ZSWIM6: variants seen among roughly 807,000 people sequenced by gnomAD.
The protein encoded by ZSWIM6 is zinc finger SWIM domain-containing protein 6.
A neutral mutation model predicts 113.2 loss-of-function variants in ZSWIM6; 9 were observed. The observed-to-expected ratio is 0.08, with a 90% confidence interval of 0.05 to 0.14. The LOEUF (loss-of-function observed/expected upper bound fraction) is 0.14. ZSWIM6 is among the 10% of genes least tolerant of loss of function. ZSWIM6 has a pLI of 1.00. For synonymous variants in ZSWIM6, 611 were observed against 606.5 expected (o/e 1.01, Z -0.11); for missense variants, 1,162 against 1,552.2 (o/e 0.75, Z 4.22).
At chr5:61,427,062 C>A (rs1008152711) in intron 1 of ZSWIM6, among the ~76,000 whole-genome samples, 2 of 152,176 alleles carry the variant, frequency 1.3e-5, no homozygotes, top group East Asian at 3.9e-4. Flanking sequence ...CTATATCTTG[C>A]TCTTTATCAA....
At chr5:61,398,793 A>G (rs1190637191) in intron 1 of ZSWIM6, among the ~76,000 whole-genome samples, 1 of 152,168 alleles carries the variant, frequency 6.6e-6, no homozygotes, top group East Asian at 1.9e-4. Flanking sequence ...TTATGAAGCA[A>G]ACTGAATTTG....
intron 4 of ZSWIM6, among the ~76,000 whole-genome samples, chr5:61,496,885 T>A (rs894681243): frequency 6.6e-6 from 1 of 152,176 alleles, no homozygotes; most frequent in African/African-American, 2.4e-5. Flanking sequence ...TTTAAAGTTG[T>A]AATGCAAAAC....
intron 1 of ZSWIM6, among the ~76,000 whole-genome samples, chr5:61,451,970 C>T (rs1352052948): frequency 6.6e-6 from 1 of 151,968 alleles, no homozygotes; most frequent in Non-Finnish European, 1.5e-5. Context: ...AGTTATAAAA[C>T]AAAACAATAC....
At chr5:61,395,489 G>A (rs1489970181) in intron 1 of ZSWIM6, among the ~76,000 whole-genome samples, 1 of 152,116 alleles carries the variant, frequency 6.6e-6, no homozygotes, top group Non-Finnish European at 1.5e-5. Flanking sequence ...ACTGAGTTAA[G>A]CAATATCAGA....
chr5:61,541,923 C>T lies in ZSWIM6; in HGVS notation c.2743C>T (p.Arg915Trp). Residue 915 changes from arginine (R) to tryptophan (W), a missense_variant, in exon 13 of 14, where the codon CGG becomes TGG. This residue lies in a region of ZSWIM6 where 620 missense variants were observed against 804.6 expected (regional missense o/e 0.77). Transcript: ENST00000252744. ...ACTGTCAACCTTAAATTGGCGACGG[C>T]GGGAGATGGTGAGGTGGCTGGTAAC... ...MTLSTLNWRR[R>W]EMVRWLVTCA... 2.6e-6 allele frequency: 4 copies of T among 1,550,900 alleles called. No homozygotes were observed. The highest frequency in any genetic ancestry group is 3.5e-6 in the Non-Finnish European group (4 of 1,146,220).
chr5:61,440,999 T>C (rs1369153264), intron 1 of ZSWIM6, among the ~76,000 whole-genome samples: 4 of 152,202 alleles, frequency 2.6e-5, no homozygotes, highest in African/African-American at 9.6e-5. Flanking sequence ...GATGAGGTTC[T>C]AGGTAACAGT....
chr5:61,437,619 G>C (rs1746737157), intron 1 of ZSWIM6, among the ~76,000 whole-genome samples: 1 of 151,174 alleles, frequency 6.6e-6, no homozygotes, highest in Admixed American at 6.6e-5. Context: ...CTGCTTGAGA[G>C]GCTGAGGTGG....
intron 1 of ZSWIM6, among the ~76,000 whole-genome samples, chr5:61,467,294 T>C (rs1747455893): frequency 6.6e-6 from 1 of 152,184 alleles, no homozygotes; most frequent in African/African-American, 2.4e-5. Context: ...TATTAAAAAA[T>C]CTGCAGTTCT....
At chr5:61,334,984 G>C (rs1744363464) in intron 1 of ZSWIM6, among the ~76,000 whole-genome samples, 1 of 151,802 alleles carries the variant, frequency 6.6e-6, no homozygotes, top group African/African-American at 2.4e-5. Flanking sequence ...AGGGTTTCTT[G>C]GCTGATTGCA....
At position 61,543,457 on chromosome 5, in the gene ZSWIM6, G is replaced by T. The variant is rs748023376; in HGVS notation, c.2788G>T (p.Val930Phe). ...WLVTCATEVG[V>F]YALDSIMQTW... ...GAGCCTGTTTGTGTTCCTTGCAGGG[G>T]TTTATGCCCTGGACAGCATCATGCA... The change falls in exon 14 of 14, where the codon GTT becomes TTT. Residue 930 changes from valine to phenylalanine, a missense_variant and splice_region_variant. Coordinates refer to ENST00000252744, the MANE Select transcript of ZSWIM6 (RefSeq NM_020928.2). This position sits in a 1 kb window ranked among gnomAD's most constrained non-coding sequence, Gnocchi z 4.3. The T allele has an allele frequency of 3.2e-6, 5 of 1,548,394 alleles. No individual in the cohort carries two copies. The highest frequency in any genetic ancestry group is 2.0e-5 in the Admixed American group (1 of 50,944).
chr5:61,431,891 G>A lies in ZSWIM6; in HGVS notation c.677-40790G>A, dbSNP rs114285221. ...GCTTAGTTTGCCTGAAGAAAGTTTCGGGTTTTCTTTTTTCTGTTTTTGTTT... is the reference window on the plus strand; with the variant it reads ...GCTTAGTTTGCCTGAAGAAAGTTTCAGGTTTTCTTTTTTCTGTTTTTGTTT... On this transcript the variant is annotated intron_variant, in intron 1 of 13. Transcript: ENST00000252744. Among the ~76,000 whole-genome samples the A allele has an allele frequency of 6.5e-3, 982 of 152,200 alleles. 8 individuals carry two copies. The highest frequency in any genetic ancestry group is 0.02 in the African/African-American group (849 of 41,542).
chr5:61,382,760 G>A (rs1305436991), intron 1 of ZSWIM6, among the ~76,000 whole-genome samples: 2 of 151,932 alleles, frequency 1.3e-5, no homozygotes, highest in South Asian at 2.1e-4. Context: ...AGCTGAGATC[G>A]TGCCACTGCA....
chr5:61,368,362 T>C (rs1745202128), intron 1 of ZSWIM6, among the ~76,000 whole-genome samples: 1 of 152,202 alleles, frequency 6.6e-6, no homozygotes, highest in East Asian at 1.9e-4. Context: ...AATTTAAAAG[T>C]ATTCATATTA....
At chr5:61,383,627 C>T (rs1745530662) in intron 1 of ZSWIM6, among the ~76,000 whole-genome samples, 1 of 151,966 alleles carries the variant, frequency 6.6e-6, no homozygotes, top group African/African-American at 2.4e-5. Flanking sequence ...CCTCCGCCTC[C>T]CCAGTTCAAG....
rs780834621 is a variant in ZSWIM6, at chr5:61,379,670, G to T, written c.676+46722G>T. Among the ~76,000 whole-genome samples the T allele has an allele frequency of 9.2e-5, 14 of 152,070 alleles. 1 individual carries two copies. Among genetic ancestry groups the T allele is most frequent in the Non-Finnish European group, 1.0e-4 (7 of 68,028 alleles). On this transcript the variant is annotated intron_variant, in intron 1 of 13. Transcript: ENST00000252744. ...TTGTGATATATGTCTTTTCATGAGG[G>T]ATAAATTTTATTTGCACTCACTGTT...
intron 1 of ZSWIM6, among the ~76,000 whole-genome samples, chr5:61,457,936 A>C (rs1173033866): frequency 6.6e-6 from 1 of 152,182 alleles, no homozygotes; most frequent in Non-Finnish European, 1.5e-5. Context: ...CAGTCATTGA[A>C]TCATATATAT....
In ZSWIM6 at chr5:61,529,910, T is replaced by G. The variant is rs1284591123; in HGVS notation, c.1838-142T>G. ...TTATGGTACCTTTTGATTGGTTTCT[T>G]AATTAAAAGAGAATTTCGAACAGAA... On this transcript the variant is annotated intron_variant, in intron 7 of 13. Transcript: ENST00000252744. The G allele has an allele frequency of 6.9e-6, 5 of 729,330 alleles. No individual in the cohort carries two copies. The East Asian group carries it at 8.3e-5, about 12-fold the overall frequency. 45.2% of individuals were successfully genotyped at this position (729,330 alleles called of 1,614,324 possible). A position where few individuals can be genotyped will look rare whatever the true frequency, so the allele number is the denominator to read the frequency against.
intron 1 of ZSWIM6, among the ~76,000 whole-genome samples, chr5:61,386,340 A>G (rs1745592464): frequency 6.6e-6 from 1 of 152,196 alleles, no homozygotes; most frequent in Non-Finnish European, 1.5e-5. Flanking sequence ...CTGTTTAAGC[A>G]AGGATTAATG....
chr5:61,398,505 T>C (rs537428965), intron 1 of ZSWIM6, among the ~76,000 whole-genome samples: 1 of 152,112 alleles, frequency 6.6e-6, no homozygotes, highest in Non-Finnish European at 1.5e-5. Context: ...AGCCAGGCAA[T>C]GTTGTATAGT....
Sources: gnomAD v4.1 joint callset for allele counts (sites outside exome capture counted in the v4.1 genomes callset) on GRCh38, gnomAD v4.1.1 for gene constraint, gnomAD v4.1.1 regional missense constraint, Gnocchi (gnomAD v3.1) non-coding constraint, MANE v1.5 for transcripts, NCBI Gene and HGNC (gene_info 2026-07-23, HGNC 2026-07-21) for gene names.